AP3B1: variants seen among roughly 807,000 people sequenced by gnomAD.
AP3B1 encodes adaptor related protein complex 3 subunit beta 1.
Under a neutral mutation model 132.5 loss-of-function variants are expected in AP3B1, and 61 were observed. The observed-to-expected ratio is 0.46, with a 90% CI of 0.37 to 0.57. The LOEUF is 0.57. Among genes scored for constraint, AP3B1 ranks in the 20% least tolerant of loss-of-function variants. AP3B1 has a pLI of 0.00. For synonymous variants in AP3B1, 388 were observed against 438.3 expected, an observed-to-expected ratio of 0.89 and a Z score of 1.43; for missense variants, 1,120 against 1,289.4, an observed-to-expected ratio of 0.87 and a Z score of 2.01.
intron 21 of AP3B1, among the ~76,000 whole-genome samples, chr5:78,095,366 G>C (rs1750727201): frequency 6.6e-6 from 1 of 152,164 alleles, no homozygotes; most frequent in South Asian, 2.1e-4. Flanking sequence ...CTTCTTTCAA[G>C]ATTAATCTAA....
intron 7 of AP3B1, among the ~76,000 whole-genome samples, chr5:78,192,369 G>A (rs957853600): frequency 1.3e-5 from 2 of 151,694 alleles, no homozygotes; most frequent in East Asian, 1.9e-4. Flanking sequence ...TAGGCCAGGC[G>A]CAGTGGCTCA....
chr5:78,056,439 T>C (rs578093867), intron 22 of AP3B1, among the ~76,000 whole-genome samples: 3 of 152,208 alleles, frequency 2.0e-5, no homozygotes, highest in Non-Finnish European at 4.4e-5. Context: ...TAAATTGAGT[T>C]TTCAGCCCAC....
chr5:78,251,212 A>T lies in AP3B1; in HGVS notation c.205-10276T>A, dbSNP rs537210891. 2.1e-5 allele frequency among the ~76,000 whole-genome samples: 3 copies of T among 144,352 alleles called. No individual in the cohort carries two copies. The South Asian group carries it at 6.5e-4, about 31-fold the overall frequency. 94.7% of individuals were successfully genotyped at this position (144,352 alleles called of 152,430 possible). A position where few individuals can be genotyped will look rare whatever the true frequency, so the allele number is the denominator to read the frequency against. The stretch of plus-strand genomic sequence containing the variant: ...ATATTAAAAACATCTACATATCCAG[A>T]CAGTTGAAACAGATTCTCTAAAAGA... On this transcript the variant is annotated intron_variant, in intron 2 of 26. Transcript: ENST00000255194.
At chr5:78,025,707 A>C (rs183683489) in intron 24 of AP3B1, among the ~76,000 whole-genome samples, 1 of 152,314 alleles carries the variant, frequency 6.6e-6, no homozygotes, top group East Asian at 1.9e-4. Flanking sequence ...AAAAGGTGGA[A>C]GACCTTACTG....
chr5:78,142,053 C>A lies in AP3B1; in HGVS notation c.1474-734G>T, dbSNP rs991470725. Among the ~76,000 whole-genome samples, 4 of 152,182 alleles carry A rather than the reference C, an allele frequency of 2.6e-5. No homozygotes were observed. The East Asian group carries it at 5.8e-4, about 22-fold the overall frequency. On this transcript the variant is annotated intron_variant, in intron 14 of 26. Transcript: ENST00000255194. The stretch of plus-strand genomic sequence containing the variant: ...TCTACAACACTGGAAATATATCAAA[C>A]TGATAAGATCATCAAGGTCTGCTTA...
Position 78,294,529 on chromosome 5 carries a change from C to T in AP3B1, c.51G>A (p.Ala17=). ...PYNEQSGGGE[A]TELGQEATST... Reference sequence around the variant, plus strand: ...AGGTCGCCTCCTGACCCAGCTCCGTCGCCTCCCCTCCTCCGGACTGCTCAT... The same window carrying T: ...AGGTCGCCTCCTGACCCAGCTCCGTTGCCTCCCCTCCTCCGGACTGCTCAT... Residue 17 remains alanine, a synonymous_variant, in exon 1 of 27, where the codon GCG becomes GCA. Coordinates refer to ENST00000255194, the MANE Select transcript of AP3B1 (RefSeq NM_003664.5). The T allele has an allele frequency of 1.9e-6, 3 of 1,614,240 alleles. No homozygotes were observed. The highest frequency in any genetic ancestry group is 2.5e-6 in the Non-Finnish European group (3 of 1,180,048).
At chr5:78,007,253 A>G (rs1370967667) in intron 26 of AP3B1, among the ~76,000 whole-genome samples, 2 of 152,208 alleles carry the variant, frequency 1.3e-5, no homozygotes, top group Non-Finnish European at 2.9e-5. Context: ...GGTAGTCACA[A>G]ACATAACATT....
intron 7 of AP3B1, among the ~76,000 whole-genome samples, chr5:78,212,340 A>C (rs1446774217): frequency 6.6e-6 from 1 of 152,196 alleles, no homozygotes; most frequent in Non-Finnish European, 1.5e-5. Flanking sequence ...ATTAAGTATA[A>C]AGCATCACAG....
chr5:78,006,281 T>C (rs1746390730), intron 26 of AP3B1, among the ~76,000 whole-genome samples: 2 of 152,174 alleles, frequency 1.3e-5, no homozygotes, highest in South Asian at 4.1e-4. Flanking sequence ...TGATTCCAGG[T>C]CACACAAATT....
intron 14 of AP3B1, among the ~76,000 whole-genome samples, chr5:78,154,743 T>C (rs1177471928): frequency 6.6e-6 from 1 of 152,234 alleles, no homozygotes; most frequent in African/African-American, 2.4e-5. Flanking sequence ...GAGACTCTGA[T>C]GCAATCTTCA....
chr5:78,187,928 A>G (rs964809769), intron 7 of AP3B1, among the ~76,000 whole-genome samples: 5 of 152,136 alleles, frequency 3.3e-5, no homozygotes. Context: ...AAATAAAACC[A>G]CACATCTACA....
intron 22 of AP3B1, 119 bp from the exon 23 acceptor site, chr5:78,039,393 C>CA: frequency 1.3e-6 from 1 of 762,484 alleles, no homozygotes; most frequent in Non-Finnish European, 2.2e-6. Context: ...ATATGAACTA[C>CA]AATAACAAAC....
intron 17 of AP3B1, among the ~76,000 whole-genome samples, chr5:78,117,004 G>GC (rs992635865): frequency 2.0e-5 from 3 of 151,902 alleles, no homozygotes; most frequent in African/African-American, 7.3e-5. Flanking sequence ...TTTCATGACT[G>GC]CCCCTCCACA....
At chr5:78,106,283 C>A (rs1022077362) in intron 20 of AP3B1, among the ~76,000 whole-genome samples, 1 of 151,700 alleles carries the variant, frequency 6.6e-6, no homozygotes, top group African/African-American at 2.4e-5. Context: ...CATGGAGAAA[C>A]CCCTCTCTAT....
At chr5:78,229,150 G>A (rs1746523812) in intron 3 of AP3B1, among the ~76,000 whole-genome samples, 1 of 151,834 alleles carries the variant, frequency 6.6e-6, no homozygotes, top group Non-Finnish European at 1.5e-5. Flanking sequence ...TACCCAGGCT[G>A]GTCTCAAACT....
intron 15 of AP3B1, among the ~76,000 whole-genome samples, chr5:78,139,039 A>G (rs1469020355): frequency 1.4e-5 from 1 of 68,986 alleles, no homozygotes; most frequent in Non-Finnish European, 2.9e-5. Flanking sequence ...AGAGATCAAG[A>G]AAAAAAAAAA....
intron 14 of AP3B1, among the ~76,000 whole-genome samples, chr5:78,143,776 G>A (rs1188903721): frequency 6.6e-6 from 1 of 152,182 alleles, no homozygotes; most frequent in Non-Finnish European, 1.5e-5. Context: ...CACTTTGGGA[G>A]GCTGAGGCGG....
intron 25 of AP3B1, among the ~76,000 whole-genome samples, chr5:78,016,036 T>G (rs984189127): frequency 6.6e-6 from 1 of 152,012 alleles, no homozygotes; most frequent in Non-Finnish European, 1.5e-5. Context: ...ATGGCCTCAG[T>G]ATGACAGATC....
chr5:78,080,133 C>T (rs1190294531), intron 22 of AP3B1, among the ~76,000 whole-genome samples: 3 of 152,050 alleles, frequency 2.0e-5, no homozygotes, highest in East Asian at 3.9e-4. Flanking sequence ...CTCAGCCTCC[C>T]GAGTAGCTGG....
Sources: allele counts gnomAD v4.1 joint callset (sites outside exome capture counted in the v4.1 genomes callset), GRCh38; gene constraint gnomAD v4.1.1; transcripts MANE v1.5; gene names NCBI Gene and HGNC (gene_info 2026-07-23, HGNC 2026-07-21).